The following FSTL4 variants were observed in gnomAD, a reference collection of about 807,000 sequenced individuals.
FSTL4 encodes follistatin like 4, also known as follistatin-related protein 4.
In FSTL4, 28 loss-of-function variants were observed where a neutral mutation model predicts 78.2. That is an observed-to-expected ratio of 0.36 (90% CI 0.27 to 0.49). FSTL4 has a LOEUF of 0.49. FSTL4 is among the 20% of genes least tolerant of loss of function. The probability of loss-of-function intolerance (pLI) is 0.98; values close to 1 mark genes in which losing one functional copy is unlikely to be tolerated. For synonymous variants in FSTL4, 422 were observed against 440.5 expected (o/e 0.96, Z 0.53); for missense variants, 922 against 1,084.9 (o/e 0.85, Z 2.11).
At chr5:133,614,910 A>G (rs1761171741), upstream of FSTL4, among the ~76,000 whole-genome samples, 1 of 152,232 alleles carries the variant, frequency 6.6e-6, no homozygotes, top group African/African-American at 2.4e-5. Context: ...CTTTTACAAG[A>G]TCAAAAAGTT....
intron 3 of FSTL4, among the ~76,000 whole-genome samples, chr5:133,443,520 A>G (rs1478015070): frequency 1.3e-5 from 2 of 152,222 alleles, no homozygotes; most frequent in Non-Finnish European, 2.9e-5. Context: ...GAAAAGGGGA[A>G]ATACTGAGCT....
intron 3 of FSTL4, among the ~76,000 whole-genome samples, chr5:133,465,069 C>T (rs1417728432): frequency 6.6e-6 from 1 of 152,146 alleles, no homozygotes; most frequent in Non-Finnish European, 1.5e-5. Context: ...TCTCTCTCTC[C>T]TCATTTGTTC....
chr5:133,356,702 A>G (rs1452787796), intron 4 of FSTL4, among the ~76,000 whole-genome samples: 2 of 152,348 alleles, frequency 1.3e-5, no homozygotes, highest in South Asian at 2.1e-4. Flanking sequence ...ACTTAAAGGG[A>G]AAAAAAGCAT....
At chr5:133,406,733 C>T (rs1756372639) in intron 3 of FSTL4, among the ~76,000 whole-genome samples, 1 of 152,236 alleles carries the variant, frequency 6.6e-6, no homozygotes, top group African/African-American at 2.4e-5. Flanking sequence ...GCCCACCAGG[C>T]ACCATGCTAA....
the FSTL4 span, among the ~76,000 whole-genome samples, chr5:133,702,794 A>G: frequency 6.6e-6 from 1 of 152,222 alleles, no homozygotes; most frequent in Non-Finnish European, 1.5e-5. Context: ...CTGAGAGCAG[A>G]TTCCAGGGCA....
chr5:133,839,374 A>G, the FSTL4 span, among the ~76,000 whole-genome samples: 4 of 152,214 alleles, frequency 2.6e-5, no homozygotes, highest in African/African-American at 7.2e-5. Context: ...CAAGATAAGA[A>G]TTCTGTTACA....
At chr5:133,341,812 T>G (rs944029207) in intron 4 of FSTL4, among the ~76,000 whole-genome samples, 3 of 152,180 alleles carry the variant, frequency 2.0e-5, no homozygotes, top group Non-Finnish European at 4.4e-5. Flanking sequence ...CTCTGAACCT[T>G]AATTCTGTCA....
chr5:133,628,622 A>G, the FSTL4 span, among the ~76,000 whole-genome samples: 1 of 152,018 alleles, frequency 6.6e-6, no homozygotes, highest in African/African-American at 2.4e-5. Flanking sequence ...GGCCTCCCTA[A>G]GTGCTGGGGT....
chr5:133,675,326 A>G, the FSTL4 span, among the ~76,000 whole-genome samples: 26 of 152,246 alleles, frequency 1.7e-4, no homozygotes, highest in Non-Finnish European at 3.7e-4. Context: ...TTTAAAAAAG[A>G]GATTTGTTGC....
intron 5 of FSTL4, among the ~76,000 whole-genome samples, chr5:133,313,219 A>C (rs1561667470): frequency 6.6e-6 from 1 of 152,168 alleles, no homozygotes; most frequent in Non-Finnish European, 1.5e-5. Context: ...ATAGAGCTGG[A>C]GGTCACTGCT....
At chr5:133,286,249 T>C (rs1009243310) in intron 6 of FSTL4, among the ~76,000 whole-genome samples, 5 of 152,236 alleles carry the variant, frequency 3.3e-5, no homozygotes, top group African/African-American at 7.2e-5. Context: ...GGACTCAGAA[T>C]CTGCCTCATA....
intron 4 of FSTL4, among the ~76,000 whole-genome samples, chr5:133,341,320 T>C (rs1017028679): frequency 2.0e-5 from 3 of 146,998 alleles, no homozygotes; most frequent in Non-Finnish European, 4.4e-5. Context: ...TTCAAACACA[T>C]GCACATTAAC....
chr5:133,813,623 A>C, the FSTL4 span, among the ~76,000 whole-genome samples: 1 of 152,252 alleles, frequency 6.6e-6, no homozygotes. Flanking sequence ...TAAGACTAAA[A>C]CACAAAGGCT....
At chr5:133,607,702 G>A (rs1761005346) in intron 1 of FSTL4, among the ~76,000 whole-genome samples, 1 of 152,180 alleles carries the variant, frequency 6.6e-6, no homozygotes, top group South Asian at 2.1e-4. Flanking sequence ...GAGACAGTAA[G>A]ATAGGAGGCC....
chr5:133,620,209 T>G, the FSTL4 span, among the ~76,000 whole-genome samples: 1 of 152,234 alleles, frequency 6.6e-6, no homozygotes, highest in African/African-American at 2.4e-5. Context: ...TTTCATGCTT[T>G]AAAACACTGC....
the FSTL4 span, among the ~76,000 whole-genome samples, chr5:133,833,627 G>A: frequency 6.6e-5 from 10 of 152,092 alleles, no homozygotes; most frequent in African/African-American, 9.7e-5. Context: ...CAACCTTTCC[G>A]TCTTTAACCC....
At chr5:133,559,202 C>T (rs1759862437) in intron 3 of FSTL4, among the ~76,000 whole-genome samples, 1 of 152,218 alleles carries the variant, frequency 6.6e-6, no homozygotes, top group Admixed American at 6.5e-5. Context: ...TTTTAACTCA[C>T]AGATAATTAA....
chr5:133,749,718 G>A, the FSTL4 span, among the ~76,000 whole-genome samples: 1 of 152,198 alleles, frequency 6.6e-6, no homozygotes, highest in Non-Finnish European at 1.5e-5. Context: ...AACCAGCCTT[G>A]TAGCATGTAT....
intron 6 of FSTL4, among the ~76,000 whole-genome samples, chr5:133,271,200 G>T (rs1430515451): frequency 1.3e-5 from 2 of 152,162 alleles, no homozygotes; most frequent in African/African-American, 4.8e-5. Flanking sequence ...TAGTGCCCCT[G>T]GTAGGTGATT....
Sources: gnomAD v4.1 joint callset for allele counts (sites outside exome capture counted in the v4.1 genomes callset) on GRCh38, gnomAD v4.1.1 for gene constraint, MANE v1.5 for transcripts, NCBI Gene and HGNC (gene_info 2026-07-23, HGNC 2026-07-21) for gene names.